The following TAFA1 variants were observed in gnomAD, a reference collection of about 807,000 sequenced individuals.
TAFA1 encodes the protein TAFA chemokine like family member 1, also known as chemokine-like protein TAFA-1.
A neutral mutation model predicts 18.5 loss-of-function variants in TAFA1; 4 were observed. That is an observed-to-expected ratio of 0.22 (90% confidence interval 0.11 to 0.49). TAFA1 has a LOEUF of 0.49. TAFA1 is among the 20% of genes least tolerant of loss of function. TAFA1 has a pLI of 0.98. For synonymous variants in TAFA1, 56 were observed against 55.2 expected (o/e 1.01, Z -0.06); for missense variants, 147 against 169.0 (o/e 0.87, Z 0.72).
chr3:68,261,838 G>T (rs958515494), intron 2 of TAFA1, among the ~76,000 whole-genome samples: 6 of 151,840 alleles, frequency 4.0e-5, no homozygotes, highest in African/African-American at 1.5e-4. Context: ...AATGTGTGCA[G>T]CACACCAACA....
intron 2 of TAFA1, among the ~76,000 whole-genome samples, chr3:68,007,914 C>A (rs1175517473): frequency 6.6e-6 from 1 of 152,244 alleles, no homozygotes; most frequent in East Asian, 1.9e-4. Flanking sequence ...AGCTTCCCTG[C>A]TGGGGGCAGG....
At chr3:68,463,344 A>G (rs28510934) in intron 3 of TAFA1, among the ~76,000 whole-genome samples, 1,878 of 152,198 alleles carry the variant, frequency 0.012, 50 homozygotes, top group African/African-American at 0.042. Flanking sequence ...TAGTGGAAAA[A>G]CCACTGTTTC....
chr3:68,542,039 A>G (rs573283990), intron 4 of TAFA1, among the ~76,000 whole-genome samples: 3 of 152,182 alleles, frequency 2.0e-5, no homozygotes, highest in Non-Finnish European at 4.4e-5. Context: ...AAACCTCAGG[A>G]ACAATGGATC....
chr3:68,159,071 A>G (rs1351089523), intron 2 of TAFA1, among the ~76,000 whole-genome samples: 2 of 152,214 alleles, frequency 1.3e-5, no homozygotes, highest in African/African-American at 2.4e-5. Flanking sequence ...TGAGAAGGGT[A>G]TGAATTTTAG....
At chr3:68,404,366 CA>C (rs2070555012) in intron 2 of TAFA1, among the ~76,000 whole-genome samples, 1 of 152,146 alleles carries the variant, frequency 6.6e-6, no homozygotes, top group Non-Finnish European at 1.5e-5. Context: ...TAGACATAAG[CA>C]AAACACTAAT....
chr3:68,019,102 T>C (rs1219226735), intron 2 of TAFA1, among the ~76,000 whole-genome samples: 1 of 152,248 alleles, frequency 6.6e-6, no homozygotes. Flanking sequence ...AATCTACTCT[T>C]GGTCAATTGA....
chr3:68,030,977 A>G (rs1414670635), intron 2 of TAFA1, among the ~76,000 whole-genome samples: 1 of 152,204 alleles, frequency 6.6e-6, no homozygotes, highest in South Asian at 2.1e-4. Context: ...ACTCATTACC[A>G]GAAAGAATTG....
chr3:68,052,466 A>T (rs2064482848), intron 2 of TAFA1, among the ~76,000 whole-genome samples: 1 of 152,188 alleles, frequency 6.6e-6, no homozygotes, highest in Non-Finnish European at 1.5e-5. Context: ...CTTTGGACTC[A>T]TTAAAGAAAG....
chr3:68,471,872 G>T (rs755554550), intron 3 of TAFA1, among the ~76,000 whole-genome samples: 23 of 152,294 alleles, frequency 1.5e-4, no homozygotes, highest in Non-Finnish European at 2.5e-4. Flanking sequence ...AAAAACTCTG[G>T]AGCACTATCT....
intron 2 of TAFA1, among the ~76,000 whole-genome samples, chr3:68,076,469 C>A (rs1328983105): frequency 1.5e-5 from 2 of 132,970 alleles, no homozygotes; most frequent in African/African-American, 2.8e-5. Context: ...CCCCCCACCC[C>A]CCACCAGTCC....
intron 2 of TAFA1, among the ~76,000 whole-genome samples, chr3:68,073,921 G>T (rs927089280): frequency 7.9e-5 from 12 of 152,042 alleles, no homozygotes; most frequent in Admixed American, 7.9e-4. Flanking sequence ...TGGGGGATAT[G>T]GTTTTGGGAT....
chr3:68,153,182 T>A (rs2065827894), intron 2 of TAFA1, among the ~76,000 whole-genome samples: 1 of 152,218 alleles, frequency 6.6e-6, no homozygotes, highest in African/African-American at 2.4e-5. Context: ...CAGCAAATAT[T>A]TTTAAATGAT....
intron 2 of TAFA1, among the ~76,000 whole-genome samples, chr3:68,117,754 A>G (rs149068541): frequency 1.3e-3 from 198 of 152,378 alleles, no homozygotes; most frequent in Middle Eastern, 6.8e-3. Flanking sequence ...GTTATGTCTT[A>G]AAAATTTTCA....
chr3:68,217,915 G>A (rs1258214007), intron 2 of TAFA1, among the ~76,000 whole-genome samples: 1 of 151,766 alleles, frequency 6.6e-6, no homozygotes, highest in African/African-American at 2.4e-5. Context: ...TATAATTGAA[G>A]GGTATTTAGA....
At chr3:68,015,605 A>G in intron 2 of TAFA1, among the ~76,000 whole-genome samples, 1 of 152,144 alleles carries the variant, frequency 6.6e-6, no homozygotes, top group South Asian at 2.1e-4. Context: ...CTTCTTGATT[A>G]TGGTTGGGAA....
intron 2 of TAFA1, among the ~76,000 whole-genome samples, chr3:68,065,376 T>G (rs1376974970): frequency 1.3e-5 from 2 of 152,136 alleles, no homozygotes; most frequent in Non-Finnish European, 2.9e-5. Flanking sequence ...TTTTCTCAAC[T>G]AGAAAGAGAG....
chr3:68,077,659 T>C (rs1034938183), intron 2 of TAFA1, among the ~76,000 whole-genome samples: 2 of 152,122 alleles, frequency 1.3e-5, no homozygotes, highest in Admixed American at 6.5e-5. Context: ...TTCTGTTCCA[T>C]TGATCTATAT....
intron 3 of TAFA1, among the ~76,000 whole-genome samples, chr3:68,418,795 T>A (rs2070896063): frequency 6.6e-6 from 1 of 152,192 alleles, no homozygotes; most frequent in African/African-American, 2.4e-5. Flanking sequence ...GCTAAACACT[T>A]CTCATGCATT....
At chr3:68,518,102 T>G (rs949515813) in intron 3 of TAFA1, among the ~76,000 whole-genome samples, 1 of 152,212 alleles carries the variant, frequency 6.6e-6, no homozygotes, top group African/African-American at 2.4e-5. Flanking sequence ...CTACTGATCC[T>G]TTAGCACTCA....
Sources: gnomAD v4.1 joint callset for allele counts (sites outside exome capture counted in the v4.1 genomes callset) on GRCh38, gnomAD v4.1.1 for gene constraint, MANE v1.5 for transcripts, NCBI Gene and HGNC (gene_info 2026-07-23, HGNC 2026-07-21) for gene names.